Variants in ADAMTS19 observed in about 807,000 individuals in gnomAD.
ADAMTS19 encodes A disintegrin and metalloproteinase with thrombospondin motifs 19.
ADAMTS19 carries 93 observed loss-of-function variants against 153.3 expected under a neutral mutation model. The ratio of observed to expected loss-of-function variants is 0.61; its 90% CI spans 0.51 to 0.72. ADAMTS19 has a LOEUF of 0.72. Among genes scored for constraint, ADAMTS19 ranks in the 30% least tolerant of loss-of-function variants. The pLI is 0.00. For missense variants in ADAMTS19, 1,482 were observed against 1,552.1 expected (o/e 0.95, Z 0.76); for synonymous variants, 600 against 556.6 (o/e 1.08, Z -1.10).
At chr5:129,637,704 G>A (rs1752594414) in intron 10 of ADAMTS19, among the ~76,000 whole-genome samples, 1 of 152,272 alleles carries the variant, frequency 6.6e-6, no homozygotes, top group East Asian at 1.9e-4. Flanking sequence ...AATTAGCGGG[G>A]CATGGTGGCG....
chr5:129,491,057 T>C (rs1750752040), intron 2 of ADAMTS19, among the ~76,000 whole-genome samples: 1 of 152,050 alleles, frequency 6.6e-6, no homozygotes, highest in South Asian at 2.1e-4. Flanking sequence ...AGTGCAGTGG[T>C]GTGGCACGAT....
intron 2 of ADAMTS19, among the ~76,000 whole-genome samples, chr5:129,490,589 G>T (rs191744138): frequency 1.6e-4 from 24 of 152,262 alleles, no homozygotes; most frequent in African/African-American, 5.8e-4. Context: ...ATTATTTTCA[G>T]TTGATACATC....
At chr5:129,502,828 G>A (rs1561541500) in intron 2 of ADAMTS19, among the ~76,000 whole-genome samples, 1 of 152,142 alleles carries the variant, frequency 6.6e-6, no homozygotes, top group Non-Finnish European at 1.5e-5. Context: ...GCATGAAGAT[G>A]AGCACTATTC....
At chr5:129,653,724 T>G (rs1055367117) in intron 13 of ADAMTS19, among the ~76,000 whole-genome samples, 1 of 152,214 alleles carries the variant, frequency 6.6e-6, no homozygotes, top group Non-Finnish European at 1.5e-5. Flanking sequence ...TTTTTACAAA[T>G]GCAATTCTTA....
intron 8 of ADAMTS19, among the ~76,000 whole-genome samples, chr5:129,612,309 A>AT (rs1055828833): frequency 1.1e-4 from 16 of 151,814 alleles, no homozygotes; most frequent in African/African-American, 3.4e-4. Flanking sequence ...TGAACGCATC[A>AT]TTTTTTATGG....
chr5:129,675,749 G>T (rs1183250560), intron 16 of ADAMTS19, among the ~76,000 whole-genome samples: 1 of 151,898 alleles, frequency 6.6e-6, no homozygotes, highest in East Asian at 1.9e-4. Context: ...CAAAAGTCTT[G>T]GTCAGCTGGG....
intron 21 of ADAMTS19, among the ~76,000 whole-genome samples, chr5:129,731,589 C>T (rs60344990): frequency 0.057 from 8,612 of 152,010 alleles, 806 homozygotes; most frequent in African/African-American, 0.2. Flanking sequence ...AAAAACAAAT[C>T]ATACAATAGT....
chr5:129,665,934 A>G (rs1336175163), intron 16 of ADAMTS19, among the ~76,000 whole-genome samples: 2 of 148,602 alleles, frequency 1.3e-5, no homozygotes, highest in South Asian at 2.1e-4. Context: ...ACATATATAC[A>G]TACATTCATA....
intron 10 of ADAMTS19, among the ~76,000 whole-genome samples, chr5:129,628,381 C>A (rs1752147660): frequency 6.6e-6 from 1 of 151,856 alleles, no homozygotes; most frequent in African/African-American, 2.4e-5. Context: ...GTGATGAAAT[C>A]ATCTGTACAA....
chr5:129,649,762 A>G (rs1753233580), intron 13 of ADAMTS19, among the ~76,000 whole-genome samples: 1 of 152,190 alleles, frequency 6.6e-6, no homozygotes, highest in African/African-American at 2.4e-5. Flanking sequence ...CTCAGGTATA[A>G]CCATGGGGAG....
intron 16 of ADAMTS19, among the ~76,000 whole-genome samples, chr5:129,677,882 A>G (rs1287594138): frequency 2.0e-5 from 3 of 151,878 alleles, no homozygotes; most frequent in African/African-American, 7.3e-5. Flanking sequence ...GCATGATCTC[A>G]GCTCACTGCA....
rs1554088273 is a variant in ADAMTS19 at position 129,510,877 on chromosome 5, A to ATG, written c.913+1636_913+1637insGT. Among the ~76,000 whole-genome samples the ATG allele has an allele frequency of 2.6e-3, 385 of 150,336 alleles. 9 individuals carry two copies. Among genetic ancestry groups the ATG allele is most frequent in the Admixed American group, 3.7e-3 (55 of 15,052 alleles). ...CTGAGATATATATATATATATATAT[A>ATG]TAGTAGGCATGATTGTTACATGTAA... On this transcript the variant is annotated intron_variant, in intron 3 of 22. Transcript: ENST00000274487.
At chr5:129,541,564 G>A (rs1181466195) in intron 6 of ADAMTS19, among the ~76,000 whole-genome samples, 1 of 151,918 alleles carries the variant, frequency 6.6e-6, no homozygotes, top group Non-Finnish European at 1.5e-5. Context: ...GCTGGCAAAG[G>A]CAATTGAATA....
chr5:129,550,082 ATGTATC>A (rs763125664), intron 6 of ADAMTS19, among the ~76,000 whole-genome samples: 2 of 98,336 alleles, frequency 2.0e-5, no homozygotes, highest in African/African-American at 3.9e-5. Context: ...ATACATATAC[ATGTATC>A]TGTATATGTA....
chr5:129,479,254 T>C (rs181558638), intron 2 of ADAMTS19, among the ~76,000 whole-genome samples: 63 of 152,240 alleles, frequency 4.1e-4, no homozygotes, highest in Admixed American at 1.5e-3. Flanking sequence ...ATCCAAGATA[T>C]GGGGTAGAAA....
chr5:129,633,713 T>G (rs1490042163), intron 10 of ADAMTS19, among the ~76,000 whole-genome samples: 1 of 152,176 alleles, frequency 6.6e-6, no homozygotes, highest in Non-Finnish European at 1.5e-5. Context: ...GCAATTATAT[T>G]AATTAGATTT....
chr5:129,584,828 C>T (rs995143958), intron 7 of ADAMTS19, among the ~76,000 whole-genome samples: 1 of 152,218 alleles, frequency 6.6e-6, no homozygotes, highest in Non-Finnish European at 1.5e-5. Context: ...TCTTAGCTTG[C>T]TGGGCTCCAT....
chr5:129,647,734 T>C, intron 11 of ADAMTS19, 31 bp from the exon 12 acceptor site: 1 of 1,607,856 alleles, frequency 6.2e-7, no homozygotes, highest in Non-Finnish European at 8.5e-7. Context: ...GTGCCCTGAT[T>C]TGTTCACCTA....
At chr5:129,563,021 T>C (rs1381386323) in intron 7 of ADAMTS19, among the ~76,000 whole-genome samples, 1 of 152,152 alleles carries the variant, frequency 6.6e-6, no homozygotes, top group Non-Finnish European at 1.5e-5. Context: ...AAGAAGCATA[T>C]CCATACACTA....
Sources: allele counts gnomAD v4.1 joint callset (sites outside exome capture counted in the v4.1 genomes callset), GRCh38; gene constraint gnomAD v4.1.1; transcripts MANE v1.5; gene names NCBI Gene and HGNC (gene_info 2026-07-23, HGNC 2026-07-21).